The following AKAP13 variants were observed in gnomAD, a reference collection of about 807,000 sequenced individuals.
AKAP13 encodes the protein A-kinase anchoring protein 13.
A neutral mutation model predicts 264.5 loss-of-function variants in AKAP13; 80 were observed. The observed-to-expected ratio is 0.30, with a 90% CI of 0.25 to 0.36. The LOEUF (loss-of-function observed/expected upper bound fraction) is 0.36. Ranked by LOEUF, AKAP13 falls within the 10% of genes least tolerant of loss-of-function variation. The probability of loss-of-function intolerance (pLI) is 1.00; values close to 1 mark genes in which losing one functional copy is unlikely to be tolerated. For missense variants in AKAP13, 3,712 were observed against 3,435.2 expected (o/e 1.08, Z -2.01); for synonymous variants, 1,380 against 1,250.2 (o/e 1.10, Z -2.19).
chr15:85,531,271 T>C (rs2077233348), intron 3 of AKAP13, among the ~76,000 whole-genome samples: 1 of 152,232 alleles, frequency 6.6e-6, no homozygotes, highest in Admixed American at 6.5e-5. Context: ...TTAGGTATTT[T>C]AGATAGGAAA....
intron 5 of AKAP13, among the ~76,000 whole-genome samples, chr15:85,561,051 ATT>A (rs11311086): frequency 0.24 from 26,018 of 109,680 alleles, 3,422 homozygotes; most frequent in Middle Eastern, 0.41. Context: ...GGATGTAAGG[ATT>A]TTTTTTTTTT....
chr15:85,461,947 G>C (rs2074535614), intron 1 of AKAP13, among the ~76,000 whole-genome samples: 1 of 152,014 alleles, frequency 6.6e-6, no homozygotes, highest in Non-Finnish European at 1.5e-5. Flanking sequence ...TACTGATTTC[G>C]TCTATTTGTT....
At chr15:85,623,917 A>G (rs1267757983) in intron 8 of AKAP13, among the ~76,000 whole-genome samples, 2 of 152,240 alleles carry the variant, frequency 1.3e-5, no homozygotes, top group African/African-American at 2.4e-5. Flanking sequence ...TGGTACCAAT[A>G]TGCCCATTTT....
chr15:85,670,276 T>A (rs1317216871), intron 14 of AKAP13, among the ~76,000 whole-genome samples: 4 of 152,052 alleles, frequency 2.6e-5, no homozygotes, highest in Non-Finnish European at 5.9e-5. Flanking sequence ...CTGAAACACT[T>A]GAGAGAATAA....
chr15:85,398,077 C>T (rs575612093), intron 1 of AKAP13, among the ~76,000 whole-genome samples: 1 of 152,274 alleles, frequency 6.6e-6, no homozygotes, highest in African/African-American at 2.4e-5. Context: ...CATACTTGAA[C>T]ATGGATCTTA....
intron 8 of AKAP13, among the ~76,000 whole-genome samples, chr15:85,587,927 C>T (rs570845220): frequency 1.2e-4 from 19 of 152,188 alleles, no homozygotes; most frequent in African/African-American, 2.6e-4. Context: ...GAAGTACAGG[C>T]GTGAGCCTGT....
intron 1 of AKAP13, among the ~76,000 whole-genome samples, chr15:85,478,184 T>C (rs1394440305): frequency 6.6e-6 from 1 of 152,266 alleles, no homozygotes; most frequent in Non-Finnish European, 1.5e-5. Context: ...TATTATTTAT[T>C]GCTAAAGCTC....
intron 35 of AKAP13, 37 bp downstream of exon 35, chr15:85,741,532 A>G: frequency 6.5e-7 from 1 of 1,529,906 alleles, no homozygotes; most frequent in Admixed American, 2.1e-5. Context: ...CCTAATGATG[A>G]TATTAATTAA....
intron 17 of AKAP13, among the ~76,000 whole-genome samples, chr15:85,695,417 C>A (rs984932037): frequency 3.3e-5 from 5 of 151,992 alleles, no homozygotes; most frequent in Non-Finnish European, 5.9e-5. Context: ...AAAACACACA[C>A]AAAAAAACGT....
In AKAP13 at chr15:85,580,621, C is replaced by A. The variant is rs761070903; in HGVS notation, c.2553C>A (p.Ser851=). Residue 851 remains serine (S), a synonymous_variant, in exon 7 of 37, where the codon TCC becomes TCA. Transcript: ENST00000394518. ...GGGCAGTAGGCCTGTCCACATCCTC[C>A]ACTGCTGCAGAGCTTCAGCACGGGA... ...EDRAVGLSTS[S]TAAELQHGMG... The A allele has an allele frequency of 2.5e-6, 4 of 1,614,206 alleles. No homozygotes were observed. The South Asian group carries it at 4.4e-5, about 18-fold the overall frequency.
chr15:85,743,477 C>T lies in AKAP13; in HGVS notation c.8059-15C>T, dbSNP rs960418568. The T allele has an allele frequency of 6.2e-7, 1 of 1,606,096 alleles. No individual in the cohort carries two copies. The stretch of plus-strand genomic sequence containing the variant: ...ACAGCCTCCAAGTGAAAACCCTTCT[C>T]TTGAATATGTACAGGTTTCCCATCC... On this transcript the variant is annotated splice_polypyrimidine_tract_variant and intron_variant, in intron 35 of 36. Coordinates refer to ENST00000394518, the MANE Select transcript of AKAP13 (RefSeq NM_007200.5).
intron 2 of AKAP13, among the ~76,000 whole-genome samples, chr15:85,513,460 GTT>G (rs1347409738): frequency 6.6e-6 from 1 of 152,082 alleles, no homozygotes; most frequent in Non-Finnish European, 1.5e-5. Flanking sequence ...TTTATAAAGA[GTT>G]TTCCAAAAGT....
chr15:85,552,196 G>A (rs1169230769), intron 5 of AKAP13, among the ~76,000 whole-genome samples: 1 of 152,174 alleles, frequency 6.6e-6, no homozygotes, highest in Admixed American at 6.5e-5. Context: ...CCTTATAGTA[G>A]GAGAACAGTT....
At chr15:85,730,908 C>A (rs901672546) in intron 30 of AKAP13, among the ~76,000 whole-genome samples, 2 of 152,074 alleles carry the variant, frequency 1.3e-5, no homozygotes, top group African/African-American at 4.8e-5. Flanking sequence ...GGCCCTGAAG[C>A]CCCTTCCTCC....
intron 8 of AKAP13, among the ~76,000 whole-genome samples, chr15:85,636,432 A>C (rs980670984): frequency 6.6e-6 from 1 of 152,214 alleles, no homozygotes; most frequent in Admixed American, 6.5e-5. Flanking sequence ...ATATTGTTGA[A>C]TAAAAGTGAT....
At chr15:85,503,580 G>A (rs34484845) in intron 2 of AKAP13, among the ~76,000 whole-genome samples, 37,192 of 152,036 alleles carry the variant, frequency 0.24, 5,997 homozygotes, top group Middle Eastern at 0.41. Flanking sequence ...CGTGACTTAG[G>A]CATTGCTGGT....
chr15:85,714,946 G>A (rs950768039), intron 19 of AKAP13, among the ~76,000 whole-genome samples: 1 of 151,652 alleles, frequency 6.6e-6, no homozygotes, highest in Non-Finnish European at 1.5e-5. Context: ...CAGCCTGGGC[G>A]ACAGAACAAG....
At chr15:85,467,870 G>C (rs2074807969) in intron 1 of AKAP13, among the ~76,000 whole-genome samples, 1 of 152,196 alleles carries the variant, frequency 6.6e-6, no homozygotes, top group African/African-American at 2.4e-5. Flanking sequence ...AGTTTGGTCA[G>C]GGTGTGCTCT....
intron 3 of AKAP13, among the ~76,000 whole-genome samples, chr15:85,528,356 A>G (rs2077147365): frequency 6.6e-6 from 1 of 152,172 alleles, no homozygotes; most frequent in Non-Finnish European, 1.5e-5. Flanking sequence ...TTAGTTCTAT[A>G]GTGCCAATGG....
Sources: allele counts gnomAD v4.1 joint callset (sites outside exome capture counted in the v4.1 genomes callset), GRCh38; gene constraint gnomAD v4.1.1; transcripts MANE v1.5; gene names NCBI Gene and HGNC (gene_info 2026-07-23, HGNC 2026-07-21).